DOCK5: variants seen among roughly 807,000 people sequenced by gnomAD.
DOCK5 encodes dedicator of cytokinesis protein 5.
DOCK5 carries 142 observed loss-of-function variants against 251.8 expected under a neutral mutation model. That is an observed-to-expected ratio of 0.56 (90% confidence interval 0.49 to 0.65). The LOEUF (loss-of-function observed/expected upper bound fraction) is 0.65. Among genes scored for constraint, DOCK5 ranks in the 30% least tolerant of loss-of-function variants. The pLI is 0.00. For synonymous variants in DOCK5, 842 were observed against 835.5 expected, an observed-to-expected ratio of 1.01 and a Z score of -0.13; for missense variants, 2,111 against 2,312.3, an observed-to-expected ratio of 0.91 and a Z score of 1.79.
intron 26 of DOCK5, among the ~76,000 whole-genome samples, chr8:25,348,232 C>T (rs778399566): frequency 3.9e-5 from 6 of 152,148 alleles, no homozygotes; most frequent in Non-Finnish European, 7.3e-5. Flanking sequence ...GCAGGATTCC[C>T]TCCTCTCCCC....
At chr8:25,301,365 A>G (rs1804757817) in intron 9 of DOCK5, among the ~76,000 whole-genome samples, 1 of 152,186 alleles carries the variant, frequency 6.6e-6, no homozygotes, top group Admixed American at 6.6e-5. Flanking sequence ...GGACGTTATC[A>G]TTGATGTATA....
intron 1 of DOCK5, among the ~76,000 whole-genome samples, chr8:25,208,375 A>T (rs1251512388): frequency 1.3e-5 from 2 of 152,236 alleles, no homozygotes; most frequent in African/African-American, 4.8e-5. Context: ...GCTATCAAAT[A>T]GCATCACATG....
chr8:25,360,778 C>T (rs1800663709), intron 28 of DOCK5, among the ~76,000 whole-genome samples: 1 of 151,978 alleles, frequency 6.6e-6, no homozygotes, highest in Non-Finnish European at 1.5e-5. Flanking sequence ...AATAAAAATT[C>T]TAGGGATTTT....
At position 25,414,151 on chromosome 8, in the gene DOCK5, T is replaced by G. The variant is rs535090645; in HGVS notation, c.*2853T>G. On this transcript the variant is annotated 3_prime_UTR_variant, in exon 52 of 52. Coordinates refer to ENST00000276440, the MANE Select transcript of DOCK5 (RefSeq NM_024940.8). ...CTTTCTTTGTTCTAGTGACTTGTCT[T>G]GCTTTAAGATTTTTTTTAAAGGATT... 3.1e-4 allele frequency: 47 copies of G among 152,282 alleles called. No homozygotes were observed. The highest frequency in any genetic ancestry group is 1.1e-3 in the African/African-American group (46 of 41,520). 9.4% of individuals were successfully genotyped at this position (152,282 alleles called of 1,614,324 possible).
At chr8:25,374,992 A>G (rs1800939573) in intron 37 of DOCK5, 1 of 1,162,006 alleles carries the variant, frequency 8.6e-7, no homozygotes, top group Admixed American at 4.3e-5. Context: ...TTATAAGTGA[A>G]TATAGTACCA....
rs538838541 is a variant in DOCK5, at chr8:25,188,932, C to T, written c.43+3981C>T. On this transcript the variant is annotated intron_variant, in intron 1 of 51. Coordinates refer to ENST00000276440, the MANE Select transcript of DOCK5 (RefSeq NM_024940.8). ...ATCCAGAATAGTCTGATTATAAAAA[C>T]ATTTATTTTTAAGTTTGCTTCCACA... is the stretch of plus-strand genomic sequence containing the variant. 8.6e-5 allele frequency among the ~76,000 whole-genome samples: 13 copies of T among 151,764 alleles called. No individual in the cohort carries two copies. In the South Asian group the frequency reaches 2.5e-3, roughly 29 times the overall value.
At chr8:25,385,084 G>T (rs1801140702) in intron 40 of DOCK5, among the ~76,000 whole-genome samples, 1 of 152,176 alleles carries the variant, frequency 6.6e-6, no homozygotes, top group Non-Finnish European at 1.5e-5. Flanking sequence ...GCAGTGCCTT[G>T]AAAGGAAGGG....
intron 1 of DOCK5, among the ~76,000 whole-genome samples, chr8:25,214,211 T>A (rs1467077): frequency 0.076 from 11,618 of 152,198 alleles, 813 homozygotes; most frequent in African/African-American, 0.18. Context: ...TGCTCAGCCC[T>A]TAGCAGGTTC....
At chr8:25,331,300 GTCTC>G (rs1156413208) in intron 18 of DOCK5, among the ~76,000 whole-genome samples, 1 of 151,566 alleles carries the variant, frequency 6.6e-6, no homozygotes, top group African/African-American at 2.4e-5. Context: ...TAGAGACAGG[GTCTC>G]TCTATGTTGC....
At chr8:25,275,722 G>A (rs1183543703) in intron 4 of DOCK5, among the ~76,000 whole-genome samples, 1 of 152,126 alleles carries the variant, frequency 6.6e-6, no homozygotes, top group African/African-American at 2.4e-5. Flanking sequence ...TGTAATCCCA[G>A]CTACTGGGGA....
chr8:25,299,176 C>G, intron 8 of DOCK5, 75 bp downstream of exon 8: 2 of 1,510,292 alleles, frequency 1.3e-6, no homozygotes, highest in South Asian at 2.6e-5. Context: ...ACCCGGGCAG[C>G]TCTTTGCCAG....
chr8:25,219,913 T>G (rs1288383840), intron 1 of DOCK5, among the ~76,000 whole-genome samples: 1 of 151,604 alleles, frequency 6.6e-6, no homozygotes, highest in Non-Finnish European at 1.5e-5. Context: ...CTTGTGTCAT[T>G]TAAGATAATA....
chr8:25,357,212 C>G (rs1383700850), intron 27 of DOCK5, among the ~76,000 whole-genome samples: 4 of 151,440 alleles, frequency 2.6e-5, no homozygotes, highest in Non-Finnish European at 1.5e-5. Flanking sequence ...GTGTTAAATT[C>G]TGAGTATTAA....
intron 2 of DOCK5, among the ~76,000 whole-genome samples, chr8:25,265,974 G>C (rs117484926): frequency 0.024 from 3,622 of 151,972 alleles, 58 homozygotes; most frequent in Middle Eastern, 0.051. Flanking sequence ...TGTGAGCCTA[G>C]CGAAAGAGCA....
At chr8:25,238,649 G>A (rs920378631) in intron 1 of DOCK5, among the ~76,000 whole-genome samples, 1 of 152,200 alleles carries the variant, frequency 6.6e-6, no homozygotes, top group Non-Finnish European at 1.5e-5. Flanking sequence ...AAACCAAATG[G>A]ATGGAGAAGT....
chr8:25,264,884 C>T (rs1803696686), intron 2 of DOCK5, among the ~76,000 whole-genome samples: 1 of 151,952 alleles, frequency 6.6e-6, no homozygotes, highest in Non-Finnish European at 1.5e-5. Flanking sequence ...TTGAAACCCT[C>T]CAACGCTTCC....
intron 27 of DOCK5, among the ~76,000 whole-genome samples, chr8:25,354,415 C>T (rs758914267): frequency 4.6e-5 from 7 of 152,164 alleles, no homozygotes; most frequent in Non-Finnish European, 1.5e-5. Context: ...ATTTCCTGAG[C>T]TCCTTTTAGG....
intron 4 of DOCK5, among the ~76,000 whole-genome samples, chr8:25,276,401 C>A (rs1434950156): frequency 6.6e-6 from 1 of 152,168 alleles, no homozygotes; most frequent in Non-Finnish European, 1.5e-5. Flanking sequence ...CTGGGAAGTA[C>A]TGCCTCTGTG....
At chr8:25,325,198 C>T (rs1271654747) in intron 17 of DOCK5, among the ~76,000 whole-genome samples, 166 bp from the exon 18 acceptor site, 1 of 152,096 alleles carries the variant, frequency 6.6e-6, no homozygotes, top group Non-Finnish European at 1.5e-5. Flanking sequence ...TTTCTGGGCT[C>T]AATGTTTACA....
Sources: gnomAD v4.1 joint callset for allele counts (sites outside exome capture counted in the v4.1 genomes callset) on GRCh38, gnomAD v4.1.1 for gene constraint, MANE v1.5 for transcripts, NCBI Gene and HGNC (gene_info 2026-07-23, HGNC 2026-07-21) for gene names.